The following EMSY variants were observed in gnomAD, a reference collection of about 807,000 sequenced individuals.
EMSY encodes the protein EMSY transcriptional repressor, BRCA2 interacting.
In EMSY, 26 loss-of-function variants were observed where a neutral mutation model predicts 134.6. The ratio of observed to expected loss-of-function variants is 0.19; its 90% CI spans 0.14 to 0.27. The LOEUF (loss-of-function observed/expected upper bound fraction) is 0.27, where lower values mean the gene tolerates loss of function less well. EMSY is among the 10% of genes least tolerant of loss of function. EMSY has a pLI of 1.00. For synonymous variants in EMSY, 579 were observed against 577.8 expected (o/e 1.00, Z -0.03); for missense variants, 1,305 against 1,611.4 (o/e 0.81, Z 3.26).
At chr11:76,464,688 C>T (rs1948279465) in intron 7 of EMSY, among the ~76,000 whole-genome samples, 1 of 152,178 alleles carries the variant, frequency 6.6e-6, no homozygotes, top group East Asian at 1.9e-4. Context: ...TGGGATCTCT[C>T]TTTAACCATC....
intron 9 of EMSY, 73 bp from the exon 11 acceptor site, chr11:76,513,313 C>A: frequency 7.0e-7 from 1 of 1,427,960 alleles, no homozygotes. Flanking sequence ...GTGACTACTG[C>A]CCTCTTGGGT....
At chr11:76,526,413 T>C (rs984472329) in intron 12 of EMSY, 49 bp from the exon 14 acceptor site, 13 of 1,360,978 alleles carry the variant, frequency 9.6e-6, no homozygotes, top group African/African-American at 1.5e-5. Flanking sequence ...GAGGACTTTA[T>C]CATTTATATG....
At chr11:76,507,841 T>C (rs1323071639) in intron 9 of EMSY, among the ~76,000 whole-genome samples, 2 of 149,106 alleles carry the variant, frequency 1.3e-5, no homozygotes, top group East Asian at 2.0e-4. Context: ...AAATGCATTT[T>C]TTTTTCTTTT....
chr11:76,544,945 A>T, intron 19 of EMSY, 123 bp downstream of exon 20: 3 of 1,050,112 alleles, frequency 2.9e-6, no homozygotes, highest in Non-Finnish European at 4.1e-6. Context: ...CAAAAGCCTC[A>T]TTACGCTGGT....
chr11:76,494,218 G>A (rs1949538544), intron 8 of EMSY, among the ~76,000 whole-genome samples: 1 of 152,216 alleles, frequency 6.6e-6, no homozygotes, highest in Admixed American at 6.5e-5. Context: ...CCGCCTGCAG[G>A]GACAAGTGGA....
At chr11:76,509,451 C>T (rs1276277559) in intron 9 of EMSY, among the ~76,000 whole-genome samples, 1 of 152,150 alleles carries the variant, frequency 6.6e-6, no homozygotes, top group Non-Finnish European at 1.5e-5. Flanking sequence ...CAAGATTGCA[C>T]CACTGCACTC....
intron 15 of EMSY, among the ~76,000 whole-genome samples, chr11:76,537,493 A>G (rs2136572090): frequency 2.0e-5 from 3 of 152,342 alleles, no homozygotes; most frequent in Admixed American, 2.0e-4. Context: ...AGAAGGGTAT[A>G]GGAAATACCT....
chr11:76,445,511 G>T (rs577776719), intron 1 of EMSY, among the ~76,000 whole-genome samples: 2 of 152,298 alleles, frequency 1.3e-5, no homozygotes, highest in East Asian at 3.9e-4. Flanking sequence ...GAGAGGTCCG[G>T]GTGAGGAGCC....
chr11:76,496,123 A>G, intron 8 of EMSY, 92 bp from the exon 10 acceptor site: 2 of 1,369,252 alleles, frequency 1.5e-6, no homozygotes, highest in East Asian at 2.3e-5. Flanking sequence ...TGATTTCCCT[A>G]TTCTTTAAAC....
In EMSY at chr11:76,468,287, G is replaced by A. The variant is rs1378316760; in HGVS notation, c.831+4207G>A. On this transcript the variant is annotated intron_variant, in intron 7 of 20. Transcript: ENST00000334736. ...ATATGAGCCATACCATGAGAGTTCA[G>A]GTTCAGAACCTTAGATTTGGCTTAC... Among the ~76,000 whole-genome samples the A allele has an allele frequency of 2.6e-5, 4 of 151,654 alleles. No homozygotes were observed. In the East Asian group the frequency reaches 7.7e-4, roughly 29 times the overall value.
rs141467328 is a variant in EMSY at position 76,523,416 on chromosome 11, G to A, written c.1821+125G>A. On this transcript the variant is annotated intron_variant, in intron 12 of 20. Coordinates refer to ENST00000334736, the Ensembl canonical transcript of EMSY. ...AGAATGGCTTGGTTTACCACTGCTG[G>A]GATATAACAACTGTTAAAGCACCAC... 1.3e-5 allele frequency: 14 copies of A among 1,070,136 alleles called. No individual in the cohort carries two copies. The African/African-American group carries it at 1.6e-4, about 12-fold the overall frequency. The allele number at this position is 1,070,136 out of a possible 1,614,324, so 66.3% of individuals were successfully genotyped here.
chr11:76,550,721 C>T (rs573703632), exon 21 of EMSY: 8 of 152,410 alleles, frequency 5.2e-5, no homozygotes, highest in African/African-American at 1.9e-4. Context: ...GTGGGAGGTA[C>T]TTTTTGGGTG....
chr11:76,544,143 T>C, intron 18 of EMSY, 116 bp from the exon 20 acceptor site: 1 of 1,091,352 alleles, frequency 9.2e-7, no homozygotes, highest in Non-Finnish European at 1.3e-6. Flanking sequence ...TTGGCCTTTC[T>C]AGGTTCTTCT....
intron 2 of EMSY, among the ~76,000 whole-genome samples, chr11:76,448,934 G>A (rs1283865600): frequency 6.6e-6 from 1 of 151,990 alleles, no homozygotes; most frequent in Non-Finnish European, 1.5e-5. Context: ...TATACTGAAT[G>A]TGTCAGTGCT....
At chr11:76,488,934 A>G (rs144951105) in intron 8 of EMSY, among the ~76,000 whole-genome samples, 90 of 152,336 alleles carry the variant, frequency 5.9e-4, no homozygotes, top group Middle Eastern at 6.8e-3. Flanking sequence ...GAAAGAAAAA[A>G]TCTTTCCTAG....
chr11:76,503,468 G>A lies in EMSY; in HGVS notation c.1363+6999G>A, dbSNP rs117906823. Among the ~76,000 whole-genome samples the A allele has an allele frequency of 3.3e-5, 5 of 152,180 alleles. No homozygotes were observed. In the East Asian group the frequency reaches 9.7e-4, roughly 29 times the overall value. On this transcript the variant is annotated intron_variant, in intron 9 of 20. Coordinates refer to ENST00000334736, the Ensembl canonical transcript of EMSY. ...CCAGAAATAAAACCGTACAACTATGGTCAACTGCTTTTTGAGAAAGATGCC... is the reference window on the plus strand; with the variant it reads ...CCAGAAATAAAACCGTACAACTATGATCAACTGCTTTTTGAGAAAGATGCC...
At chr11:76,517,628 G>C (rs1950494058) in intron 11 of EMSY, among the ~76,000 whole-genome samples, 1 of 152,132 alleles carries the variant, frequency 6.6e-6, no homozygotes, top group Non-Finnish European at 1.5e-5. Context: ...TAGCTGCTTT[G>C]TACCTGGTTA....
Position 76,460,157 on chromosome 11 carries a change from C to T in EMSY, c.571+72C>T, listed in dbSNP as rs959979346. On this transcript the variant is annotated intron_variant, in intron 6 of 20. Coordinates refer to ENST00000334736, the Ensembl canonical transcript of EMSY. ...GCAGTCTAGGCTCTGATTAGACCTG[C>T]CTTCCTGGATTAAATCATTGGTCCA... 4.0e-6 allele frequency: 6 copies of T among 1,515,012 alleles called. No individual in the cohort carries two copies. The African/African-American group carries it at 8.3e-5, about 21-fold the overall frequency. The allele number at this position is 1,515,012 out of a possible 1,614,324, so 93.8% of individuals were successfully genotyped here. A position where few individuals can be genotyped will look rare whatever the true frequency, so the allele number is the denominator to read the frequency against.
rs150715503 is a variant in EMSY at position 76,460,121 on chromosome 11, G to A, written c.571+36G>A. On this transcript the variant is annotated intron_variant, in intron 6 of 20. Coordinates refer to ENST00000334736, the Ensembl canonical transcript of EMSY. The stretch of plus-strand genomic sequence containing the variant: ...TTCTCAGTGTTATCAGGGCCTTCTT[G>A]GCTAAATGCTGCAGTCTAGGCTCTG... 145 of 1,609,050 alleles carry A rather than the reference G, an allele frequency of 9.0e-5. 1 individual carries two copies. The highest frequency in any genetic ancestry group is 6.6e-4 in the Middle Eastern group (4 of 6,056).
Sources: gnomAD v4.1 joint callset for allele counts (sites outside exome capture counted in the v4.1 genomes callset) on GRCh38, gnomAD v4.1.1 for gene constraint, MANE v1.5 for transcripts, NCBI Gene and HGNC (gene_info 2026-07-23, HGNC 2026-07-21) for gene names.